The following CBLN4 variants were observed in gnomAD, a reference collection of about 807,000 sequenced individuals.
The protein encoded by CBLN4 is cerebellin-4.
In CBLN4, 7 loss-of-function variants were observed where a neutral mutation model predicts 14.9. The observed-to-expected ratio is 0.47, with a 90% CI of 0.27 to 0.88. The LOEUF is 0.88. Ranked by LOEUF, CBLN4 falls within the 40% of genes least tolerant of loss-of-function variation. The pLI is 0.14. For missense variants in CBLN4, 188 were observed against 256.8 expected, an observed-to-expected ratio of 0.73 and a Z score of 1.83; for synonymous variants, 131 against 116.5, an observed-to-expected ratio of 1.12 and a Z score of -0.80.
Position 55,998,332 on chromosome 20 carries a change from A to G in CBLN4, c.*225T>C, listed in dbSNP as rs1207705873. ...CAGCTTTTGACTGTTACATTTAAGC[A>G]TAGGTATTATCTGCTTAGAGTCCCA... On this transcript the variant is annotated 3_prime_UTR_variant, in exon 3 of 3. Coordinates refer to ENST00000064571, the MANE Select transcript of CBLN4 (RefSeq NM_080617.6). The G allele has an allele frequency of 1.9e-6, 1 of 530,566 alleles. No individual in the cohort carries two copies. Among genetic ancestry groups the G allele is most frequent in the African/African-American group, 1.9e-5 (1 of 52,496 alleles). 32.9% of individuals were successfully genotyped at this position (530,566 alleles called of 1,614,324 possible). A position where few individuals can be genotyped will look rare whatever the true frequency, so the allele number is the denominator to read the frequency against.
At chr20:55,999,196 G>A (rs544757631) in intron 2 of CBLN4, among the ~76,000 whole-genome samples, 1 of 152,266 alleles carries the variant, frequency 6.6e-6, no homozygotes, top group African/African-American at 2.4e-5. Flanking sequence ...CAACATCCTT[G>A]CGAATTTTTG....
At chr20:55,998,917 C>G (rs1986324156) in intron 2 of CBLN4, among the ~76,000 whole-genome samples, 163 bp from the exon 3 acceptor site, 1 of 152,102 alleles carries the variant, frequency 6.6e-6, no homozygotes, top group Admixed American at 6.5e-5. Context: ...GGCCATACTT[C>G]ACATGTCTGC....
At position 56,004,259 on chromosome 20, in the gene CBLN4, G is replaced by T; in HGVS notation, c.-88C>A. 1 of 1,296,974 alleles carries T rather than the reference G, an allele frequency of 7.7e-7. No homozygotes were observed. The highest frequency in any genetic ancestry group is 1.6e-5 in the African/African-American group (1 of 63,552). The allele number at this position is 1,296,974 out of a possible 1,614,324, so 80.3% of individuals were successfully genotyped here. A position where few individuals can be genotyped will look rare whatever the true frequency, so the allele number is the denominator to read the frequency against. On this transcript the variant is annotated 5_prime_UTR_variant, in exon 1 of 3. Coordinates refer to ENST00000064571, the MANE Select transcript of CBLN4 (RefSeq NM_080617.6). This position sits in a 1 kb window ranked among gnomAD's most constrained non-coding sequence, Gnocchi z 6.1. ...CCGGGATCCCGGTGCTCGGGAAGATGCTAGCGGCTAGGTCGACAGCGCTGC... is the reference window on the plus strand; with the variant it reads ...CCGGGATCCCGGTGCTCGGGAAGATTCTAGCGGCTAGGTCGACAGCGCTGC...
At chr20:55,998,897 C>G (rs537476265) in intron 2 of CBLN4, 143 bp from the exon 3 acceptor site, 2 of 671,610 alleles carry the variant, frequency 3.0e-6, no homozygotes, top group Non-Finnish European at 5.0e-6. Context: ...TCAAATTAGC[C>G]AATTGTGGGG....
Position 56,004,521 on chromosome 20 carries a change from A to T in CBLN4, c.-350T>A, listed in dbSNP as rs185464116. The T allele has an allele frequency of 2.5e-3, 562 of 227,764 alleles. 2 individuals carry two copies. The highest frequency in any genetic ancestry group is 0.012 in the African/African-American group (519 of 44,196). The allele number at this position is 227,764 out of a possible 1,614,324, so 14.1% of individuals were successfully genotyped here. ...CCTCACATTCACACCTCAAGGCAAA[A>T]AATAATAATAATAATAAATTCTCAC... On this transcript the variant is annotated 5_prime_UTR_variant, in exon 1 of 3. Transcript: ENST00000064571. The surrounding 1 kb of genome is among the most constrained non-coding windows in gnomAD (Gnocchi z 6.1).
At chr20:56,003,713 AG>A (rs1463665451) in intron 1 of CBLN4, among the ~76,000 whole-genome samples, 167 bp downstream of exon 1, 1 of 152,150 alleles carries the variant, frequency 6.6e-6, no homozygotes, top group Non-Finnish European at 1.5e-5. Flanking sequence ...TGAGAGGGGT[AG>A]GAAGAGGGAC....
chr20:56,003,851 C>G lies in CBLN4; in HGVS notation c.291+30G>C, dbSNP rs141241597. 1,056 of 1,570,064 alleles carry G rather than the reference C, an allele frequency of 6.7e-4. 4 individuals are homozygous for G. The African/African-American group carries it at 0.013, about 19-fold the overall frequency. On this transcript the variant is annotated intron_variant, in intron 1 of 2. Coordinates refer to ENST00000064571, the MANE Select transcript of CBLN4 (RefSeq NM_080617.6). The stretch of plus-strand genomic sequence containing the variant: ...TGAGGTGCCTGGAGACCGCCCACCC[C>G]CTAGGTGCTCGCTTCCCCCCGGGTC...
rs1986313450 is a variant in CBLN4 at position 55,998,266 on chromosome 20, C to T, written c.*291G>A. On this transcript the variant is annotated 3_prime_UTR_variant, in exon 3 of 3. Coordinates refer to ENST00000064571, the MANE Select transcript of CBLN4 (RefSeq NM_080617.6). Reference sequence around the variant, plus strand: ...TAAAATTCCACATCTGTAACTAATTCAGTAATCCCAGGAAATGAAATTCAG... The same window carrying T: ...TAAAATTCCACATCTGTAACTAATTTAGTAATCCCAGGAAATGAAATTCAG... The T allele has an allele frequency of 2.6e-6, 1 of 385,974 alleles. No individual in the cohort carries two copies. The highest frequency in any genetic ancestry group is 4.7e-5 in the East Asian group (1 of 21,148). 23.9% of individuals were successfully genotyped at this position (385,974 alleles called of 1,614,324 possible).
Position 56,003,967 on chromosome 20 carries a change from A to T in CBLN4, c.205T>A (p.Ser69Thr). The T allele has an allele frequency of 6.2e-7, 1 of 1,613,700 alleles. No individual in the cohort carries two copies. Among genetic ancestry groups the T allele is most frequent in the South Asian group, 1.1e-5 (1 of 91,028 alleles). Residue 69 changes from serine to threonine, a missense_variant, in exon 1 of 3, where the codon TCC becomes ACC. By Grantham distance (58) the Ser-to-Thr change is moderately conservative (BLOSUM62 1). This residue lies in a region of CBLN4 where 95 missense variants were observed against 99.2 expected (regional missense o/e 0.96). Coordinates refer to ENST00000064571, the MANE Select transcript of CBLN4 (RefSeq NM_080617.6). Reference sequence around the variant, plus strand: ...CGCACCGCCGAGAAGGCGACCTTGGAGTTGGCCGCCCGGACCGATATCCCC... The same window carrying T: ...CGCACCGCCGAGAAGGCGACCTTGGTGTTGGCCGCCCGGACCGATATCCCC... ...PLGISVRAANSKVAFSAVRST... is the reference protein window; with the variant it reads ...PLGISVRAANTKVAFSAVRST...
At chr20:55,998,903 T>C in intron 2 of CBLN4, 149 bp from the exon 3 acceptor site, 1 of 661,906 alleles carries the variant, frequency 1.5e-6, no homozygotes, top group Non-Finnish European at 2.6e-6. Context: ...TAGCCAATTG[T>C]GGGGGCCATA....
In CBLN4 at chr20:56,004,304, G is replaced by A; in HGVS notation, c.-133C>T. ...CGCTGCAGGAGCGACGGCGGCGGCG[G>A]CGCGCACACTTCCACCAATTCTGTG... On this transcript the variant is annotated 5_prime_UTR_variant, in exon 1 of 3. Coordinates refer to ENST00000064571, the MANE Select transcript of CBLN4 (RefSeq NM_080617.6). This position sits in a 1 kb window ranked among gnomAD's most constrained non-coding sequence, Gnocchi z 6.1. 1 of 839,374 alleles carries A rather than the reference G, an allele frequency of 1.2e-6. No homozygotes were observed. The highest frequency in any genetic ancestry group is 1.8e-5 in the African/African-American group (1 of 54,926). 52.0% of individuals were successfully genotyped at this position (839,374 alleles called of 1,614,324 possible).
At position 55,998,590 on chromosome 20, in the gene CBLN4, G is replaced by C. The variant is rs751345135; in HGVS notation, c.573C>G (p.Ser191=). 1.2e-6 allele frequency: 2 copies of C among 1,614,026 alleles called. No homozygotes were observed. The highest frequency in any genetic ancestry group is 2.2e-5 in the South Asian group (2 of 91,078). Residue 191 remains serine, a synonymous_variant, in exon 3 of 3, where the codon TCC becomes TCG. Coordinates refer to ENST00000064571, the MANE Select transcript of CBLN4 (RefSeq NM_080617.6). ...GGAACACCAGAAAGCCAGAAAACGT[G>C]GAATACTGCCAGCCTCCAACCAAAT... ...KGNLVGGWQY[S]TFSGFLVFPL
Position 56,004,041 on chromosome 20 carries a change from C to T in CBLN4, c.131G>A (p.Cys44Tyr). The T allele has an allele frequency of 6.2e-7, 1 of 1,614,016 alleles. No individual in the cohort carries two copies. The highest frequency in any genetic ancestry group is 8.5e-7 in the Non-Finnish European group (1 of 1,179,980). The stretch of plus-strand genomic sequence containing the variant: ...GGAGTCCGTGGCCGGGTTCGAGTCG[C>T]ACACCACCAGACACTTGCCCTCCAG... ...IVLEGKCLVV[C>Y]DSNPATDSKG... The change falls in exon 1 of 3, where the codon TGC (cysteine) becomes TAC (tyrosine). Residue 44 changes from cysteine to tyrosine, a missense_variant. Cys to Tyr is a radical substitution (Grantham distance 194, BLOSUM62 -2). Around this residue, in one of 2 missense-constraint regions of CBLN4, gnomAD observed 95 missense variants for 99.2 expected, o/e 0.96. Coordinates refer to ENST00000064571, the MANE Select transcript of CBLN4 (RefSeq NM_080617.6). This position sits in a 1 kb window ranked among gnomAD's most constrained non-coding sequence, Gnocchi z 6.1.
At position 55,997,649 on chromosome 20, in the gene CBLN4, T is replaced by C. The variant is rs1898749339; in HGVS notation, c.*908A>G. 6.6e-6 allele frequency: 1 copy of C among 152,254 alleles called. No homozygotes were observed. The highest frequency in any genetic ancestry group is 2.4e-5 in the African/African-American group (1 of 41,316). 9.4% of individuals were successfully genotyped at this position (152,254 alleles called of 1,614,324 possible). A position where few individuals can be genotyped will look rare whatever the true frequency, so the allele number is the denominator to read the frequency against. ...CAGAAGCCTTGAAAAATAGGTATAATTAGAAACAACAGCATCCCACCACCA... is the reference window on the plus strand; with the variant it reads ...CAGAAGCCTTGAAAAATAGGTATAACTAGAAACAACAGCATCCCACCACCA... On this transcript the variant is annotated 3_prime_UTR_variant, in exon 3 of 3. Coordinates refer to ENST00000064571, the MANE Select transcript of CBLN4 (RefSeq NM_080617.6).
intron 1 of CBLN4, among the ~76,000 whole-genome samples, chr20:56,001,425 A>C (rs1176825708): frequency 2.0e-5 from 3 of 152,144 alleles, no homozygotes; most frequent in Non-Finnish European, 4.4e-5. Flanking sequence ...AATCCTTGAC[A>C]CTGAACAGTT....
In CBLN4 at chr20:56,004,875, G is replaced by A. The variant is rs1356214265; in HGVS notation, c.-704C>T. 1.3e-5 allele frequency: 2 copies of A among 152,388 alleles called. No homozygotes were observed. The highest frequency in any genetic ancestry group is 4.8e-5 in the African/African-American group (2 of 41,466). 9.4% of individuals were successfully genotyped at this position (152,388 alleles called of 1,614,324 possible). A position where few individuals can be genotyped will look rare whatever the true frequency, so the allele number is the denominator to read the frequency against. On this transcript the variant is annotated 5_prime_UTR_variant, in exon 1 of 3. Transcript: ENST00000064571. The surrounding 1 kb of genome is among the most constrained non-coding windows in gnomAD (Gnocchi z 6.1). ...TTCGCAGGATCAGGTCCAGGGCGCCGGGCGCAGCGTTCAGGGCGGCTGGTC... is the reference window on the plus strand; with the variant it reads ...TTCGCAGGATCAGGTCCAGGGCGCCAGGCGCAGCGTTCAGGGCGGCTGGTC...
At position 56,005,420 on chromosome 20, in the gene CBLN4, C is replaced by G. The variant is rs1019479590; in HGVS notation, c.-1249G>C. 1.3e-5 allele frequency: 2 copies of G among 152,246 alleles called. No individual in the cohort carries two copies. The highest frequency in any genetic ancestry group is 2.9e-5 in the Non-Finnish European group (2 of 68,106). The allele number at this position is 152,246 out of a possible 1,614,324, so 9.4% of individuals were successfully genotyped here. On this transcript the variant is annotated 5_prime_UTR_variant, in exon 1 of 3. Coordinates refer to ENST00000064571, the MANE Select transcript of CBLN4 (RefSeq NM_080617.6). Reference sequence around the variant, plus strand: ...CGCGGACCCGCGCTGCGCGCTGCCCCGAACCTGGGGACCGGCGGGCGTCCC... The same window carrying G: ...CGCGGACCCGCGCTGCGCGCTGCCCGGAACCTGGGGACCGGCGGGCGTCCC...
In CBLN4 at chr20:55,998,662, G is replaced by C. The variant is rs1986320272; in HGVS notation, c.501C>G (p.Leu167=). The C allele has an allele frequency of 1.9e-6, 3 of 1,614,050 alleles. No homozygotes were observed. The highest frequency in any genetic ancestry group is 2.5e-6 in the Non-Finnish European group (3 of 1,179,998). Reference sequence around the variant, plus strand: ...AAACCTTATCCTCTTTATCTAGGTAGAGCAGGACACCATTCGTGGCAGCTT... The same window carrying C: ...AAACCTTATCCTCTTTATCTAGGTACAGCAGGACACCATTCGTGGCAGCTT... The part of the protein sequence containing the change: ...TREAATNGVL[L]YLDKEDKVYL... The change falls in exon 3 of 3, where the codon CTC becomes CTG. Residue 167 remains leucine (L), a synonymous_variant. Transcript: ENST00000064571.
At chr20:56,002,692 C>A (rs772713500) in intron 1 of CBLN4, among the ~76,000 whole-genome samples, 1 of 152,148 alleles carries the variant, frequency 6.6e-6, no homozygotes, top group East Asian at 1.9e-4. Flanking sequence ...GCACCAAAAC[C>A]CCAAATGGAG....
Sources: gnomAD v4.1 joint callset for allele counts (sites outside exome capture counted in the v4.1 genomes callset) on GRCh38, gnomAD v4.1.1 for gene constraint, gnomAD v4.1.1 regional missense constraint, Gnocchi (gnomAD v3.1) non-coding constraint, MANE v1.5 for transcripts, NCBI Gene and HGNC (gene_info 2026-07-23, HGNC 2026-07-21) for gene names.